Variants in FAM117A observed in about 807,000 individuals in gnomAD.
The protein encoded by FAM117A is protein FAM117A.
Under a neutral mutation model 44.1 loss-of-function variants are expected in FAM117A, and 21 were observed. The observed-to-expected ratio is 0.48, with a 90% CI of 0.34 to 0.69. The LOEUF (loss-of-function observed/expected upper bound fraction) is 0.69. FAM117A is among the 30% of genes least tolerant of loss of function. The pLI, the probability that FAM117A is intolerant of heterozygous loss-of-function variation, is 0.01. For synonymous variants in FAM117A, 220 were observed against 238.3 expected (o/e 0.92, Z 0.71); for missense variants, 498 against 589.9 (o/e 0.84, Z 1.61).
chr17:49,715,517 G>A (rs1264700796), intron 7 of FAM117A, among the ~76,000 whole-genome samples: 1 of 152,168 alleles, frequency 6.6e-6, no homozygotes, highest in Non-Finnish European at 1.5e-5. Flanking sequence ...GGAAAGGTTG[G>A]CTCTCAATTC....
At chr17:49,729,210 C>T (rs992089771) in intron 2 of FAM117A, among the ~76,000 whole-genome samples, 7 of 152,184 alleles carry the variant, frequency 4.6e-5, no homozygotes, top group African/African-American at 1.4e-4. Context: ...ATGGGCAGGG[C>T]CCTGGTCTCC....
At chr17:49,767,359 C>T (rs547577653), upstream of FAM117A, among the ~76,000 whole-genome samples, 6 of 152,332 alleles carry the variant, frequency 3.9e-5, no homozygotes, top group East Asian at 7.7e-4. Flanking sequence ...TCAACATCAT[C>T]GCCATTAATT....
At chr17:49,723,287 T>A (rs1164146342) in intron 2 of FAM117A, among the ~76,000 whole-genome samples, 1 of 152,036 alleles carries the variant, frequency 6.6e-6, no homozygotes, top group Non-Finnish European at 1.5e-5. Context: ...TATCACTCCT[T>A]TTCCTCCCGG....
intron 1 of FAM117A, among the ~76,000 whole-genome samples, chr17:49,752,822 T>C (rs1212078769): frequency 6.6e-6 from 1 of 151,938 alleles, no homozygotes; most frequent in Non-Finnish European, 1.5e-5. Flanking sequence ...CACCTTGGGG[T>C]GCTAAAGGAA....
At chr17:49,763,716 G>C (rs1293537542) in intron 1 of FAM117A, among the ~76,000 whole-genome samples, 176 bp downstream of exon 1, 1 of 151,598 alleles carries the variant, frequency 6.6e-6, no homozygotes, top group Non-Finnish European at 1.5e-5. Context: ...TGCTCCCCAC[G>C]TTTCACGGCT....
intron 2 of FAM117A, among the ~76,000 whole-genome samples, chr17:49,727,738 C>A (rs1396490983): frequency 6.6e-6 from 1 of 152,216 alleles, no homozygotes; most frequent in African/African-American, 2.4e-5. Flanking sequence ...AATCTCTCAG[C>A]CTCCAGCCCA....
At chr17:49,724,437 G>A (rs757495757) in intron 2 of FAM117A, 10 of 456,128 alleles carry the variant, frequency 2.2e-5, no homozygotes, top group South Asian at 6.2e-5. Context: ...CATTCAGGCC[G>A]CCACGGGTAC....
chr17:49,757,266 G>T (rs1046481713), intron 1 of FAM117A, among the ~76,000 whole-genome samples: 2 of 152,102 alleles, frequency 1.3e-5, no homozygotes, highest in Non-Finnish European at 2.9e-5. Context: ...CAGGGTAAAT[G>T]TCTGTACATG....
chr17:49,745,737 T>C (rs536575936), intron 1 of FAM117A, among the ~76,000 whole-genome samples: 2 of 152,254 alleles, frequency 1.3e-5, no homozygotes, highest in South Asian at 4.1e-4. Context: ...CCAGAGACAA[T>C]TGACATGTTT....
intron 1 of FAM117A, among the ~76,000 whole-genome samples, chr17:49,752,047 G>A (rs1484273695): frequency 6.6e-6 from 1 of 151,880 alleles, no homozygotes; most frequent in Non-Finnish European, 1.5e-5. Flanking sequence ...CTTGAGCCCA[G>A]GAGTTTGAGA....
intron 1 of FAM117A, among the ~76,000 whole-genome samples, chr17:49,756,437 G>T (rs2143776432): frequency 6.6e-6 from 1 of 152,078 alleles, no homozygotes; most frequent in South Asian, 2.1e-4. Context: ...GGTGAACTAG[G>T]CTGCCCCCTA....
At chr17:49,739,792 T>C (rs988358762) in intron 1 of FAM117A, among the ~76,000 whole-genome samples, 7 of 152,142 alleles carry the variant, frequency 4.6e-5, no homozygotes, top group African/African-American at 1.2e-4. Context: ...CAGCAGGCTG[T>C]TGGGGCACTG....
intron 2 of FAM117A, among the ~76,000 whole-genome samples, chr17:49,726,883 GGC>G (rs2073562299): frequency 6.6e-6 from 1 of 152,026 alleles, no homozygotes. Flanking sequence ...GGGAGGCTGA[GGC>G]AGGAGGACCA....
chr17:49,772,880 TATC>T (rs1453835244), intron 1 of FAM117A, among the ~76,000 whole-genome samples: 3 of 151,820 alleles, frequency 2.0e-5, no homozygotes, highest in Admixed American at 2.0e-4. Context: ...AGTTGAAAAA[TATC>T]ATTTATGGCC....
chr17:49,744,779 T>G (rs1255468706), intron 1 of FAM117A, among the ~76,000 whole-genome samples: 1 of 151,408 alleles, frequency 6.6e-6, no homozygotes, highest in Non-Finnish European at 1.5e-5. Flanking sequence ...TTTGGGAGAC[T>G]GGGGCAGGAG....
chr17:49,730,657 C>T (rs1567829088), intron 2 of FAM117A, among the ~76,000 whole-genome samples: 1 of 152,192 alleles, frequency 6.6e-6, no homozygotes, highest in East Asian at 1.9e-4. Flanking sequence ...TTGAACTAAG[C>T]ACTCCTATCA....
intron 3 of FAM117A, 99 bp downstream of exon 3, chr17:49,722,400 T>C (rs1198297934): frequency 2.1e-6 from 2 of 940,736 alleles, no homozygotes; most frequent in South Asian, 2.9e-5. Context: ...ATAGGAGAGG[T>C]GAGCAGTGTG....
chr17:49,731,103 C>T (rs892584134), intron 2 of FAM117A, among the ~76,000 whole-genome samples: 2 of 152,126 alleles, frequency 1.3e-5, no homozygotes, highest in South Asian at 4.1e-4. Flanking sequence ...ATCGCATTAA[C>T]AAAATAAATA....
chr17:49,742,910 G>A (rs1467886291), intron 1 of FAM117A, among the ~76,000 whole-genome samples: 1 of 152,174 alleles, frequency 6.6e-6, no homozygotes, highest in Non-Finnish European at 1.5e-5. Context: ...GATTGAAACT[G>A]TACTCTGATT....
Sources: gnomAD v4.1 joint callset for allele counts (sites outside exome capture counted in the v4.1 genomes callset) on GRCh38, gnomAD v4.1.1 for gene constraint, MANE v1.5 for transcripts, NCBI Gene and HGNC (gene_info 2026-07-23, HGNC 2026-07-21) for gene names.